The following KALRN variants were observed in gnomAD, a reference collection of about 807,000 sequenced individuals.
KALRN encodes the protein kalirin RhoGEF kinase, also known as kalirin.
A neutral mutation model predicts 353.7 loss-of-function variants in KALRN; 70 were observed. The observed-to-expected ratio is 0.20, with a 90% CI of 0.16 to 0.24. The LOEUF (loss-of-function observed/expected upper bound fraction) is 0.24. Among genes scored for constraint, KALRN ranks in the 10% least tolerant of loss-of-function variants. The pLI is 1.00. For missense variants in KALRN, 2,791 were observed against 3,756.7 expected (o/e 0.74, Z 6.72); for synonymous variants, 1,391 against 1,434.8 (o/e 0.97, Z 0.69).
rs563849989 is a variant in KALRN, at chr3:124,196,069, C to T, written c.74-31921C>T. Among the ~76,000 whole-genome samples, 3 of 152,274 alleles carry T rather than the reference C, an allele frequency of 2.0e-5. No homozygotes were observed. In the South Asian group the frequency reaches 6.2e-4, roughly 32 times the overall value. On this transcript the variant is annotated intron_variant, in intron 1 of 59. Transcript: ENST00000682506. ...GGGTGTTTTCCGTGACCCCACTTGT[C>T]TTAATTGAGAACCCCTAGAATTGCC...
chr3:124,475,022 A>C (rs1047278466), intron 26 of KALRN, among the ~76,000 whole-genome samples: 1 of 152,192 alleles, frequency 6.6e-6, no homozygotes, highest in Non-Finnish European at 1.5e-5. Flanking sequence ...TTGTTACAGG[A>C]TATGGATTAG....
intron 6 of KALRN, among the ~76,000 whole-genome samples, chr3:124,313,373 G>C (rs2078479249): frequency 6.6e-6 from 1 of 152,192 alleles, no homozygotes; most frequent in Non-Finnish European, 1.5e-5. Context: ...GCAAAGTACT[G>C]CATGTATACC....
Position 124,216,874 on chromosome 3 carries a change from G to A in KALRN, c.74-11116G>A, listed in dbSNP as rs2077386840. On this transcript the variant is annotated intron_variant, in intron 1 of 59. Transcript: ENST00000682506. ...CATTAACTCATCTCTTTGTTATTAT[G>A]GATAGGGTCTAGGTCTTGGGAAAAT... is the stretch of plus-strand genomic sequence containing the variant. Among the ~76,000 whole-genome samples, 4 of 152,124 alleles carry A rather than the reference G, an allele frequency of 2.6e-5. No homozygotes were observed. The South Asian group carries it at 8.3e-4, about 32-fold the overall frequency.
intron 56 of KALRN, among the ~76,000 whole-genome samples, chr3:124,701,708 T>C (rs2062350012): frequency 6.6e-6 from 1 of 152,212 alleles, no homozygotes; most frequent in Admixed American, 6.5e-5. Context: ...TCACGAGCTT[T>C]TCTAGGTCTT....
chr3:124,396,506 G>A (rs193023098), intron 12 of KALRN, among the ~76,000 whole-genome samples: 48 of 152,226 alleles, frequency 3.2e-4, no homozygotes, highest in African/African-American at 1.1e-3. Context: ...ATTTGCTTCC[G>A]AAGAGAATTC....
intron 49 of KALRN, among the ~76,000 whole-genome samples, chr3:124,676,598 T>A (rs2087221619): frequency 6.6e-6 from 1 of 152,214 alleles, no homozygotes. Flanking sequence ...ATTGCTCATA[T>A]TTCTAGTTTT....
At chr3:124,214,113 T>C (rs1156669266) in intron 1 of KALRN, among the ~76,000 whole-genome samples, 2 of 152,138 alleles carry the variant, frequency 1.3e-5, no homozygotes, top group Non-Finnish European at 2.9e-5. Flanking sequence ...ATCCAACTTT[T>C]CAGAGATAAC....
chr3:124,460,774 A>G (rs201242646), intron 23 of KALRN, among the ~76,000 whole-genome samples: 1 of 152,234 alleles, frequency 6.6e-6, no homozygotes, highest in East Asian at 1.9e-4. Context: ...ATAGAGTTCA[A>G]TTCAAAGAAC....
intron 1 of KALRN, chr3:124,152,593 C>CTTTCT (rs1560091258): frequency 0.021 from 1,178 of 56,556 alleles, 25 homozygotes; most frequent in African/African-American, 0.061. Context: ...TTCTTTCTTT[C>CTTTCT]TTTTTTTTTT....
intron 33 of KALRN, among the ~76,000 whole-genome samples, chr3:124,501,948 G>A (rs921139088): frequency 6.6e-6 from 1 of 152,204 alleles, no homozygotes; most frequent in Admixed American, 6.5e-5. Flanking sequence ...TTGCGTCAGA[G>A]ATAAAAGACT....
chr3:124,507,646 G>T (rs1037125235), intron 33 of KALRN, among the ~76,000 whole-genome samples: 8 of 152,164 alleles, frequency 5.3e-5, no homozygotes, highest in Non-Finnish European at 2.9e-5. Flanking sequence ...AGTCTTCTGA[G>T]TTCACACCCC....
chr3:124,540,722 T>A (rs1398664775), intron 33 of KALRN, among the ~76,000 whole-genome samples: 2 of 152,228 alleles, frequency 1.3e-5, no homozygotes, highest in African/African-American at 4.8e-5. Flanking sequence ...TATCTCTCTA[T>A]CATGGTGCTG....
At chr3:124,110,071 A>G (rs1222151384) in intron 1 of KALRN, among the ~76,000 whole-genome samples, 4 of 60,730 alleles carry the variant, frequency 6.6e-5, no homozygotes, top group African/African-American at 7.4e-5. Flanking sequence ...TATATGACAT[A>G]TATGTCATAC....
chr3:124,355,271 A>T (rs768836334), intron 10 of KALRN, among the ~76,000 whole-genome samples: 4 of 152,248 alleles, frequency 2.6e-5, no homozygotes, highest in Non-Finnish European at 4.4e-5. Flanking sequence ...AATATAAATT[A>T]AAATATAATA....
intron 37 of KALRN, 83 bp from the exon 38 acceptor site, chr3:124,650,725 C>T: frequency 7.3e-7 from 1 of 1,375,258 alleles, no homozygotes; most frequent in Non-Finnish European, 1.0e-6. Flanking sequence ...TCCATGTTGT[C>T]TGTGGCTAGG....
At chr3:124,224,145 T>G in intron 1 of KALRN, among the ~76,000 whole-genome samples, 1 of 143,086 alleles carries the variant, frequency 7.0e-6, no homozygotes, top group African/African-American at 2.6e-5. Context: ...GAAGGTGCCA[T>G]CCCTGATTTT....
chr3:124,460,483 G>A (rs939822431), intron 23 of KALRN, among the ~76,000 whole-genome samples: 1 of 152,134 alleles, frequency 6.6e-6, no homozygotes, highest in Admixed American at 6.5e-5. Flanking sequence ...TAAAATCAAA[G>A]GCAAGTTCTC....
At chr3:124,129,608 T>A (rs916353136) in intron 1 of KALRN, among the ~76,000 whole-genome samples, 8 of 152,198 alleles carry the variant, frequency 5.3e-5, no homozygotes, top group Admixed American at 5.2e-4. Context: ...AGGAAGTTCA[T>A]GATGGGTGGA....
chr3:124,268,575 C>A, intron 4 of KALRN, 168 bp from the exon 5 acceptor site: 1 of 661,982 alleles, frequency 1.5e-6, no homozygotes. Context: ...CTGATCCTGA[C>A]TGATCTGTGA....
Sources: gnomAD v4.1 joint callset for allele counts (sites outside exome capture counted in the v4.1 genomes callset) on GRCh38, gnomAD v4.1.1 for gene constraint, MANE v1.5 for transcripts, NCBI Gene and HGNC (gene_info 2026-07-23, HGNC 2026-07-21) for gene names.